Variants in FAM163A observed in about 807,000 individuals in gnomAD.
The protein encoded by FAM163A is family with sequence similarity 163 member A.
Under a neutral mutation model 12.0 loss-of-function variants are expected in FAM163A, and 7 were observed. The observed-to-expected ratio is 0.58, with a 90% CI of 0.33 to 1.10. The LOEUF (loss-of-function observed/expected upper bound fraction) is 1.10. FAM163A is among the 50% of genes least tolerant of loss of function. The probability of loss-of-function intolerance (pLI) is 0.03; values close to 1 mark genes in which losing one functional copy is unlikely to be tolerated. For synonymous variants in FAM163A, 101 were observed against 91.0 expected (o/e 1.11, Z -0.62); for missense variants, 202 against 218.6 (o/e 0.92, Z 0.48).
At chr1:179,783,198 C>T (rs1479807246) in intron 1 of FAM163A, among the ~76,000 whole-genome samples, 2 of 150,250 alleles carry the variant, frequency 1.3e-5, no homozygotes, top group African/African-American at 4.9e-5. Context: ...ACTGTACAGA[C>T]AGCATAGTCT....
At chr1:179,762,313 T>C (rs1686931076) in intron 1 of FAM163A, among the ~76,000 whole-genome samples, 1 of 152,186 alleles carries the variant, frequency 6.6e-6, no homozygotes, top group Non-Finnish European at 1.5e-5. Flanking sequence ...GGAGTAAACA[T>C]CAGGAGAGTC....
At chr1:179,797,722 TAAA>T (rs1557960629) in intron 1 of FAM163A, among the ~76,000 whole-genome samples, 1 of 152,132 alleles carries the variant, frequency 6.6e-6, no homozygotes, top group South Asian at 2.1e-4. Context: ...ATCTGTGAAT[TAAA>T]AAAATCTAAG....
chr1:179,749,603 G>A (rs1330830432), intron 1 of FAM163A, among the ~76,000 whole-genome samples: 1 of 152,206 alleles, frequency 6.6e-6, no homozygotes, highest in Non-Finnish European at 1.5e-5. Context: ...TATAATCCCA[G>A]TACTTTGGGA....
At chr1:179,738,373 T>A (rs1683236892), upstream of FAM163A, among the ~76,000 whole-genome samples, 1 of 152,240 alleles carries the variant, frequency 6.6e-6, no homozygotes, top group South Asian at 2.1e-4. Flanking sequence ...ATATGTACAA[T>A]TATTACATGT....
chr1:179,737,007 C>T, the FAM163A span, among the ~76,000 whole-genome samples: 5 of 152,032 alleles, frequency 3.3e-5, no homozygotes, highest in Non-Finnish European at 7.4e-5. Flanking sequence ...CCAGTAATCC[C>T]ACTTCTGATA....
chr1:179,810,539 G>T (rs1159554128), intron 2 of FAM163A, among the ~76,000 whole-genome samples: 3 of 152,070 alleles, frequency 2.0e-5, no homozygotes, highest in Admixed American at 6.6e-5. Context: ...TGTTCATTCT[G>T]CCCTCCCCAC....
intron 1 of FAM163A, among the ~76,000 whole-genome samples, chr1:179,805,692 C>T (rs368231273): frequency 3.8e-4 from 58 of 152,328 alleles, no homozygotes; most frequent in African/African-American, 1.2e-3. Flanking sequence ...CTGTCTACAC[C>T]GCCCTGTTCT....
chr1:179,735,326 G>GC, the FAM163A span, among the ~76,000 whole-genome samples: 1 of 151,982 alleles, frequency 6.6e-6, no homozygotes, highest in African/African-American at 2.4e-5. Context: ...CTAGTTTTAA[G>GC]CCCCAAGAAA....
At chr1:179,811,717 C>T (rs1373753816) in intron 2 of FAM163A, among the ~76,000 whole-genome samples, 1 of 152,174 alleles carries the variant, frequency 6.6e-6, no homozygotes, top group African/African-American at 2.4e-5. Flanking sequence ...GGGTGCATAG[C>T]TTTGTGAGCA....
At chr1:179,746,722 C>T (rs940349724) in intron 1 of FAM163A, among the ~76,000 whole-genome samples, 1 of 152,190 alleles carries the variant, frequency 6.6e-6, no homozygotes, top group African/African-American at 2.4e-5. Context: ...GGTATGTTCC[C>T]TCAAACACTT....
At chr1:179,783,613 C>G (rs983701930) in intron 1 of FAM163A, among the ~76,000 whole-genome samples, 2 of 151,022 alleles carry the variant, frequency 1.3e-5, no homozygotes, top group African/African-American at 4.9e-5. Flanking sequence ...AAAGTTGACC[C>G]ATGGCTACAT....
At chr1:179,782,412 G>C (rs1689910805) in intron 1 of FAM163A, among the ~76,000 whole-genome samples, 1 of 152,020 alleles carries the variant, frequency 6.6e-6, no homozygotes, top group Non-Finnish European at 1.5e-5. Flanking sequence ...ACACAGTGAG[G>C]CCTGGTGATG....
intron 1 of FAM163A, among the ~76,000 whole-genome samples, chr1:179,799,123 A>G (rs1193305087): frequency 6.7e-6 from 1 of 149,474 alleles, no homozygotes; most frequent in Non-Finnish European, 1.5e-5. Context: ...AAACAAGTGA[A>G]ACAAGTGTTT....
chr1:179,800,878 A>G (rs908569338), intron 1 of FAM163A, among the ~76,000 whole-genome samples: 4 of 152,182 alleles, frequency 2.6e-5, no homozygotes, highest in African/African-American at 4.8e-5. Context: ...GAGAAGAGGA[A>G]TAACAAACTC....
intron 1 of FAM163A, among the ~76,000 whole-genome samples, chr1:179,785,613 C>A (rs767989941): frequency 6.6e-6 from 1 of 152,030 alleles, no homozygotes; most frequent in Non-Finnish European, 1.5e-5. Context: ...GAGTTCGAGG[C>A]AAAACCTTTA....
intron 1 of FAM163A, among the ~76,000 whole-genome samples, chr1:179,776,899 G>T (rs1023445570): frequency 6.6e-6 from 1 of 152,058 alleles, no homozygotes; most frequent in Admixed American, 6.6e-5. Flanking sequence ...TACCTATTAA[G>T]CAGTTCTCCC....
At chr1:179,788,494 C>T (rs922329088) in intron 1 of FAM163A, among the ~76,000 whole-genome samples, 3 of 152,122 alleles carry the variant, frequency 2.0e-5, no homozygotes, top group Admixed American at 6.5e-5. Flanking sequence ...CTGTGAGAAC[C>T]GGTATAGATC....
chr1:179,737,524 C>T, the FAM163A span, among the ~76,000 whole-genome samples: 3 of 150,452 alleles, frequency 2.0e-5, no homozygotes, highest in African/African-American at 4.9e-5. Flanking sequence ...CTTACAACAA[C>T]GAACGCCCCA....
At chr1:179,759,937 C>A (rs917041357) in intron 1 of FAM163A, among the ~76,000 whole-genome samples, 1 of 152,138 alleles carries the variant, frequency 6.6e-6, no homozygotes, top group East Asian at 1.9e-4. Flanking sequence ...AAAGTGCTGA[C>A]ATTACAGGCA....
Sources: gnomAD v4.1 joint callset for allele counts (sites outside exome capture counted in the v4.1 genomes callset) on GRCh38, gnomAD v4.1.1 for gene constraint, MANE v1.5 for transcripts, NCBI Gene and HGNC (gene_info 2026-07-23, HGNC 2026-07-21) for gene names.